Variants in CTU2 observed in about 807,000 individuals in gnomAD.
The protein encoded by CTU2 is cytosolic thiouridylase subunit 2.
CTU2 carries 80 observed loss-of-function variants against 64.1 expected under a neutral mutation model. The ratio of observed to expected loss-of-function variants is 1.25; its 90% confidence interval spans 1.04 to 1.50. The LOEUF (loss-of-function observed/expected upper bound fraction) is 1.50, where lower values mean the gene tolerates loss of function less well. Among genes scored for constraint, CTU2 ranks in the 40% most tolerant of loss-of-function variants. CTU2 has a pLI of 0.00. For missense variants in CTU2, 1,110 were observed against 690.2 expected, an observed-to-expected ratio of 1.61 and a Z score of -6.81; for synonymous variants, 482 against 285.3, an observed-to-expected ratio of 1.69 and a Z score of -6.95.
At chr16:88,713,484 C>T (rs1198118063) in intron 8 of CTU2, 37 bp downstream of exon 8, 1 of 1,557,310 alleles carries the variant, frequency 6.4e-7, no homozygotes, top group Non-Finnish European at 8.6e-7. Flanking sequence ...GGCCCATCCT[C>T]ACCTTCACCC....
chr16:88,710,411 G>T (rs188101062), intron 4 of CTU2, 129 bp downstream of exon 4: 5 of 899,824 alleles, frequency 5.6e-6, no homozygotes, highest in East Asian at 2.4e-5. Context: ...CTGGACACTT[G>T]GGGGGTTCTC....
In CTU2 at chr16:88,713,686, C is replaced by T. The variant is rs370063135; in HGVS notation, c.913C>T (p.Arg305Trp). The T allele has an allele frequency of 3.2e-5, 52 of 1,612,438 alleles. No individual in the cohort carries two copies. The highest frequency in any genetic ancestry group is 8.0e-5 in the African/African-American group (6 of 74,928). Reference sequence around the variant, plus strand: ...GCGGCACGGGGACGTGGTGGTGGTGCGGCCCATGCGGGACCACACCCTGAA... The same window carrying T: ...GCGGCACGGGGACGTGGTGGTGGTGTGGCCCATGCGGGACCACACCCTGAA... ...DERHGDVVVV[R>W]PMRDHTLKEV... The change falls in exon 9 of 15, where the codon CGG (arginine) becomes TGG (tryptophan). Residue 305 changes from arginine to tryptophan, a missense_variant. Coordinates refer to ENST00000453996, the MANE Select transcript of CTU2 (RefSeq NM_001012759.3).
At chr16:88,711,824 T>A in intron 5 of CTU2, 129 bp downstream of exon 5, 1 of 853,426 alleles carries the variant, frequency 1.2e-6, no homozygotes, top group Non-Finnish European at 1.8e-6. Context: ...CTACTGGTGC[T>A]GCCCCTGCAC....
rs1567650425 is a variant in CTU2, at chr16:88,713,369, G to C, written c.795G>C (p.Gly265=). ...RAHGYSKVMT[G]DSCTRLAIKL... is the part of the protein sequence containing the mutation. Reference sequence around the variant, plus strand: ...ACGGCTACTCCAAGGTCATGACTGGGGACAGCTGCACACGCTTGGCTATCA... The same window carrying C: ...ACGGCTACTCCAAGGTCATGACTGGCGACAGCTGCACACGCTTGGCTATCA... Residue 265 remains glycine, a synonymous_variant, in exon 8 of 15, where the codon GGG becomes GGC. Transcript: ENST00000453996. The C allele has an allele frequency of 6.2e-7, 1 of 1,604,404 alleles. No homozygotes were observed. The highest frequency in any genetic ancestry group is 8.5e-7 in the Non-Finnish European group (1 of 1,176,812).
chr16:88,714,232 G>GT lies in CTU2; in HGVS notation c.1097+5_1097+6insT. 1 of 94,402 alleles carries GT rather than the reference G, an allele frequency of 1.1e-5. No individual in the cohort carries two copies. Among genetic ancestry groups the GT allele is most frequent in the Non-Finnish European group, 1.4e-5 (1 of 73,636 alleles). 5.8% of individuals were successfully genotyped at this position (94,402 alleles called of 1,614,324 possible). A position where few individuals can be genotyped will look rare whatever the true frequency, so the allele number is the denominator to read the frequency against. ...CACTGTCAGCACTGTGTACAGGTGT[G>GT]GGTGTGTGTGGGTGTGTGCGGGGGG... On this transcript the variant is annotated splice_donor_region_variant and intron_variant, in intron 10 of 14. Transcript: ENST00000453996.
intron 6 of CTU2, 80 bp from the exon 7 acceptor site, chr16:88,712,542 G>A (rs979560792): frequency 1.2e-5 from 19 of 1,541,850 alleles, no homozygotes; most frequent in Middle Eastern, 2.4e-4. Flanking sequence ...GCCGTCTCCC[G>A]CATCCCGGAA....
At chr16:88,713,471 G>T in intron 8 of CTU2, 24 bp downstream of exon 8, 1 of 1,565,388 alleles carries the variant, frequency 6.4e-7, no homozygotes, top group Non-Finnish European at 8.6e-7. Context: ...TGGGTGTTCA[G>T]GAGGCCCATC....
rs1911242956 is a variant in CTU2, at chr16:88,710,580, A to G, written c.282+298A>G. 1.7e-5 allele frequency: 7 copies of G among 419,892 alleles called. No individual in the cohort carries two copies. In the East Asian group the frequency reaches 3.0e-4, roughly 18 times the overall value. The allele number at this position is 419,892 out of a possible 1,614,324, so 26.0% of individuals were successfully genotyped here. On this transcript the variant is annotated intron_variant, in intron 4 of 14. Coordinates refer to ENST00000453996, the MANE Select transcript of CTU2 (RefSeq NM_001012759.3). Reference sequence around the variant, plus strand: ...CAGATGTGTTTACAGCAGGTGCACAAATCAGAAGCTGGGTCCACAGTGCGT... The same window carrying G: ...CAGATGTGTTTACAGCAGGTGCACAGATCAGAAGCTGGGTCCACAGTGCGT...
In CTU2 at chr16:88,714,263, G is replaced by T. The variant is rs201768632; in HGVS notation, c.1097+36G>T. ...GTGTGGGTGTGTGCGGGGGGTGCGC[G>T]GGTGTGTGCTGTGCGCGGGTGTGTG... On this transcript the variant is annotated intron_variant, in intron 10 of 14. Coordinates refer to ENST00000453996, the MANE Select transcript of CTU2 (RefSeq NM_001012759.3). 3.8e-6 allele frequency: 6 copies of T among 1,598,198 alleles called. No individual in the cohort carries two copies. The East Asian group carries it at 1.3e-4, about 36-fold the overall frequency.
intron 1 of CTU2, 29 bp from the exon 2 acceptor site, chr16:88,707,105 TTC>T (rs773713792): frequency 1.2e-6 from 2 of 1,607,876 alleles, no homozygotes; most frequent in East Asian, 4.5e-5. Context: ...TGATCTGTGT[TTC>T]TCTCTTCTCC....
intron 2 of CTU2, among the ~76,000 whole-genome samples, chr16:88,707,800 G>T (rs76251716): frequency 0.094 from 3,371 of 35,768 alleles, 43 homozygotes; most frequent in African/African-American, 0.12. Context: ...TGGTTTTTTT[G>T]TTGTTGTTGT....
intron 5 of CTU2, 52 bp downstream of exon 5, chr16:88,711,747 G>A: frequency 1.3e-6 from 2 of 1,543,244 alleles, no homozygotes; most frequent in Non-Finnish European, 1.8e-6. Flanking sequence ...GGTAAGCCCT[G>A]CGGATCCTCC....
In CTU2 at chr16:88,715,315, A is replaced by G; in HGVS notation, c.*64A>G. The G allele has an allele frequency of 6.5e-7, 1 of 1,547,460 alleles. No homozygotes were observed. The highest frequency in any genetic ancestry group is 8.8e-7 in the Non-Finnish European group (1 of 1,136,644). ...ACCTGGTACACCACACTGGAGCCGGAAGGCAAGGACGGGGGACTGGCCTCT... is the reference window on the plus strand; with the variant it reads ...ACCTGGTACACCACACTGGAGCCGGGAGGCAAGGACGGGGGACTGGCCTCT... On this transcript the variant is annotated 3_prime_UTR_variant, in exon 15 of 15. Transcript: ENST00000453996.
At position 88,707,190 on chromosome 16, in the gene CTU2, A is replaced by AT; in HGVS notation, c.123_124insT (p.Ala42CysfsTer53). On this transcript the variant is annotated frameshift_variant, in exon 2 of 15. Transcript: ENST00000453996. LOFTEE classifies it high-confidence loss of function. ...AAGCGCAGCCCGTTGTGGTGATACGAGCCGGAGATGCCTTCTGCAGGTGAG... is the reference window on the plus strand; with the variant it reads ...AAGCGCAGCCCGTTGTGGTGATACGATGCCGGAGATGCCTTCTGCAGGTGAG... The AT allele has an allele frequency of 6.2e-7, 1 of 1,613,956 alleles. No individual in the cohort carries two copies. The highest frequency in any genetic ancestry group is 8.5e-7 in the Non-Finnish European group (1 of 1,179,980).
chr16:88,712,633 G>A lies in CTU2; in HGVS notation c.465G>A (p.Leu155=), dbSNP rs761870343. ...HVVALEEVFS[L]PPSVLWCSAQ... The stretch of plus-strand genomic sequence containing the variant: ...CCTCATCCCGGAAGGTGTTCAGCCT[G>A]CCACCGTCGGTGCTTTGGTGCTCTG... Residue 155 remains leucine (L), a synonymous_variant, in exon 7 of 15, where the codon CTG becomes CTA. Transcript: ENST00000453996. 1 of 1,609,976 alleles carries A rather than the reference G, an allele frequency of 6.2e-7. No homozygotes were observed. Among genetic ancestry groups the A allele is most frequent in the South Asian group, 1.1e-5 (1 of 90,876 alleles).
chr16:88,715,365 CATTTTTTAATTAAAA>C lies in CTU2; in HGVS notation c.*116_*130del, dbSNP rs1911905137. ...TGATTGTCCATTTGTATAAATAAAA[CATTTTTTAATTAAAA>C]AAAAAACTCTACAGTACACGTGGGG... On this transcript the variant is annotated 3_prime_UTR_variant, in exon 15 of 15. Coordinates refer to ENST00000453996, the MANE Select transcript of CTU2 (RefSeq NM_001012759.3). 3.3e-6 allele frequency: 4 copies of C among 1,206,306 alleles called. No homozygotes were observed. Among genetic ancestry groups the C allele is most frequent in the Non-Finnish European group, 4.6e-6 (4 of 876,584 alleles). The allele number at this position is 1,206,306 out of a possible 1,614,324, so 74.7% of individuals were successfully genotyped here. A position where few individuals can be genotyped will look rare whatever the true frequency, so the allele number is the denominator to read the frequency against.
At position 88,715,328 on chromosome 16, in the gene CTU2, G is replaced by T; in HGVS notation, c.*77G>T. On this transcript the variant is annotated 3_prime_UTR_variant, in exon 15 of 15. Coordinates refer to ENST00000453996, the MANE Select transcript of CTU2 (RefSeq NM_001012759.3). ...CACTGGAGCCGGAAGGCAAGGACGGGGGACTGGCCTCTGATTGTCCATTTG... is the reference window on the plus strand; with the variant it reads ...CACTGGAGCCGGAAGGCAAGGACGGTGGACTGGCCTCTGATTGTCCATTTG... 7.0e-7 allele frequency: 1 copy of T among 1,438,818 alleles called. No homozygotes were observed. Among genetic ancestry groups the T allele is most frequent in the South Asian group, 1.2e-5 (1 of 82,668 alleles). The allele number at this position is 1,438,818 out of a possible 1,614,324, so 89.1% of individuals were successfully genotyped here.
chr16:88,710,550 A>G (rs1271748505), intron 4 of CTU2: 11 of 480,012 alleles, frequency 2.3e-5, no homozygotes, highest in African/African-American at 6.0e-5. Context: ...TGTGCGGCCC[A>G]CTCTCAGATG....
chr16:88,706,517 G>A lies in CTU2; in HGVS notation c.-14G>A. 1 of 1,431,814 alleles carries A rather than the reference G, an allele frequency of 7.0e-7. No individual in the cohort carries two copies. The highest frequency in any genetic ancestry group is 9.1e-7 in the Non-Finnish European group (1 of 1,099,640). 88.7% of individuals were successfully genotyped at this position (1,431,814 alleles called of 1,614,324 possible). A position where few individuals can be genotyped will look rare whatever the true frequency, so the allele number is the denominator to read the frequency against. On this transcript the variant is annotated 5_prime_UTR_variant, in exon 1 of 15. Coordinates refer to ENST00000453996, the MANE Select transcript of CTU2 (RefSeq NM_001012759.3). ...CTGTCGCCGCCACAGTCTGCGACGGGACCCGGCGTGCCCATGTGTCAGGTG... is the reference window on the plus strand; with the variant it reads ...CTGTCGCCGCCACAGTCTGCGACGGAACCCGGCGTGCCCATGTGTCAGGTG...
Sources: allele counts gnomAD v4.1 joint callset (sites outside exome capture counted in the v4.1 genomes callset), GRCh38; gene constraint gnomAD v4.1.1; transcripts MANE v1.5; gene names NCBI Gene and HGNC (gene_info 2026-07-23, HGNC 2026-07-21).